Variants in TCTN1 observed in about 807,000 individuals in gnomAD.
TCTN1 encodes tectonic family member 1.
Under a neutral mutation model 65.8 loss-of-function variants are expected in TCTN1, and 58 were observed. The ratio of observed to expected loss-of-function variants is 0.88; its 90% CI spans 0.71 to 1.10. The LOEUF (loss-of-function observed/expected upper bound fraction) is 1.10. TCTN1 is among the 50% of genes least tolerant of loss of function. The pLI, the probability that TCTN1 is intolerant of heterozygous loss-of-function variation, is 0.00. For synonymous variants in TCTN1, 273 were observed against 289.1 expected (o/e 0.94, Z 0.57); for missense variants, 645 against 719.4 (o/e 0.90, Z 1.18).
intron 11 of TCTN1, 111 bp downstream of exon 11, chr12:110,642,500 A>G: frequency 4.2e-6 from 6 of 1,432,168 alleles, no homozygotes; most frequent in Non-Finnish European, 5.9e-6. Context: ...CTCACATGAA[A>G]GCCACATATA....
In TCTN1 at chr12:110,640,578, C is replaced by T. The variant is rs528885617; in HGVS notation, c.978+61C>T. 133 of 1,612,304 alleles carry T rather than the reference C, an allele frequency of 8.2e-5. No individual in the cohort carries two copies. The highest frequency in any genetic ancestry group is 6.7e-4 in the East Asian group (30 of 44,874). On this transcript the variant is annotated intron_variant, in intron 8 of 14. Transcript: ENST00000397659. The surrounding 1 kb of genome is among the most constrained non-coding windows in gnomAD (Gnocchi z 4.9). ...GGCAGACTTAAGCCTCTTGTTGCGC[C>T]GGGGTAACTGGACGCCCTCCGAGGA...
intron 14 of TCTN1, 144 bp from the exon 15 acceptor site, chr12:110,648,899 G>A (rs1228600737): frequency 1.3e-5 from 5 of 399,710 alleles, no homozygotes; most frequent in Non-Finnish European, 2.4e-5. Context: ...CTAGAAGCTG[G>A]CTGATGCAGC....
At position 110,649,122 on chromosome 12, in the gene TCTN1, A is replaced by C. The variant is rs969034689; in HGVS notation, c.*81A>C. The C allele has an allele frequency of 3.0e-6, 2 of 661,912 alleles. No individual in the cohort carries two copies. Among genetic ancestry groups the C allele is most frequent in the Non-Finnish European group, 5.5e-6 (2 of 361,072 alleles). The allele number at this position is 661,912 out of a possible 1,614,324, so 41.0% of individuals were successfully genotyped here. A position where few individuals can be genotyped will look rare whatever the true frequency, so the allele number is the denominator to read the frequency against. Reference sequence around the variant, plus strand: ...TTCGGTGAGATTAAATTTTATATACAACTAGCAATTGTCCAGCTTTGTTGC... The same window carrying C: ...TTCGGTGAGATTAAATTTTATATACCACTAGCAATTGTCCAGCTTTGTTGC... On this transcript the variant is annotated 3_prime_UTR_variant, in exon 15 of 15. Coordinates refer to ENST00000397659, the MANE Select transcript of TCTN1 (RefSeq NM_001082538.3).
chr12:110,632,485 T>A lies in TCTN1; in HGVS notation c.638T>A (p.Leu213Gln), dbSNP rs2066300090. The part of the protein sequence containing the change: ...TAAKYEYGVP[L>Q]QTSDSFLRFP... The stretch of plus-strand genomic sequence containing the variant: ...TTGTGTTTGCAGTATGGGGTTCCTC[T>A]GCAGACTTCAGATTCGTTTCTGAGA... The change falls in exon 5 of 15, where the codon CTG (leucine) becomes CAG (glutamine). Residue 213 changes from leucine (L) to glutamine (Q), a missense_variant. Leu to Gln is a moderately radical substitution (Grantham distance 113, BLOSUM62 -2). Coordinates refer to ENST00000397659, the MANE Select transcript of TCTN1 (RefSeq NM_001082538.3). 6.2e-7 allele frequency: 1 copy of A among 1,614,050 alleles called. No individual in the cohort carries two copies. The highest frequency in any genetic ancestry group is 1.1e-5 in the South Asian group (1 of 91,086).
chr12:110,637,504 T>C (rs557485571), intron 7 of TCTN1, among the ~76,000 whole-genome samples: 1 of 152,054 alleles, frequency 6.6e-6, no homozygotes, highest in African/African-American at 2.4e-5. Flanking sequence ...GGATGTTACT[T>C]GTGTTTTCAA....
At chr12:110,617,053 C>T (rs2065089941) in intron 1 of TCTN1, 1 of 152,170 alleles carries the variant, frequency 6.6e-6, no homozygotes, top group Non-Finnish European at 1.5e-5. Flanking sequence ...ATTGCTTCGT[C>T]CTTAGTAGTC....
In TCTN1 at chr12:110,614,373, C is replaced by T; in HGVS notation, c.191C>T (p.Ser64Phe). The T allele has an allele frequency of 6.2e-7, 1 of 1,604,748 alleles. No homozygotes were observed. The highest frequency in any genetic ancestry group is 8.5e-7 in the Non-Finnish European group (1 of 1,176,312). The change falls in exon 1 of 15, where the codon TCC (serine) becomes TTC (phenylalanine). Residue 64 changes from serine to phenylalanine, a missense_variant. Transcript: ENST00000397659. The stretch of plus-strand genomic sequence containing the variant: ...ACTCCCAGGGCTCCAGGGCCCTCCT[C>T]CGGCCCCAGGCCTACCCCAGTCACG... ...PGTPRAPGPS[S>F]GPRPTPVTDV...
At chr12:110,627,102 T>C (rs538718951) in intron 3 of TCTN1, among the ~76,000 whole-genome samples, 160 of 147,744 alleles carry the variant, frequency 1.1e-3, no homozygotes, top group Admixed American at 6.2e-3. Flanking sequence ...TTCTTTCTTT[T>C]TTTTTTTTTT....
At chr12:110,622,141 A>T (rs11065681) in intron 2 of TCTN1, among the ~76,000 whole-genome samples, 6,069 of 149,802 alleles carry the variant, frequency 0.041, 273 homozygotes, top group Admixed American at 0.096. Context: ...CCATAAAAAA[A>T]AATAATAATA....
chr12:110,632,381 G>A, intron 4 of TCTN1, 91 bp from the exon 5 acceptor site: 1 of 1,298,322 alleles, frequency 7.7e-7, no homozygotes, highest in Non-Finnish European at 1.1e-6. Flanking sequence ...TCTGATGCCT[G>A]CAGTGCTGCT....
chr12:110,615,583 G>A (rs1014020366), intron 1 of TCTN1, among the ~76,000 whole-genome samples: 4 of 151,922 alleles, frequency 2.6e-5, no homozygotes, highest in Non-Finnish European at 4.4e-5. Flanking sequence ...TGGGCTCAAG[G>A]GATCCTTCTG....
chr12:110,641,484 C>T, intron 9 of TCTN1, 58 bp from the exon 10 acceptor site: 1 of 1,498,736 alleles, frequency 6.7e-7, no homozygotes, highest in Non-Finnish European at 9.3e-7. Flanking sequence ...ATTTTTCTTC[C>T]TGCCATTTCC....
At position 110,644,784 on chromosome 12, in the gene TCTN1, T is replaced by C; in HGVS notation, c.1332-183T>C. 1.4e-6 allele frequency: 1 copy of C among 714,896 alleles called. No homozygotes were observed. Among genetic ancestry groups the C allele is most frequent in the Non-Finnish European group, 2.4e-6 (1 of 417,508 alleles). The allele number at this position is 714,896 out of a possible 1,614,324, so 44.3% of individuals were successfully genotyped here. A position where few individuals can be genotyped will look rare whatever the true frequency, so the allele number is the denominator to read the frequency against. Reference sequence around the variant, plus strand: ...GTCCCAGCACTCTGGGAGGATTGCATGAGCCCAGGAGTTTGAGGCTGCAGG... The same window carrying C: ...GTCCCAGCACTCTGGGAGGATTGCACGAGCCCAGGAGTTTGAGGCTGCAGG... On this transcript the variant is annotated intron_variant, in intron 11 of 14. Coordinates refer to ENST00000397659, the MANE Select transcript of TCTN1 (RefSeq NM_001082538.3). The surrounding 1 kb of genome is among the most constrained non-coding windows in gnomAD (Gnocchi z 4.6).
chr12:110,645,097 A>C lies in TCTN1; in HGVS notation c.1462A>C (p.Ile488Leu). The C allele has an allele frequency of 6.2e-7, 1 of 1,614,146 alleles. No individual in the cohort carries two copies. Among genetic ancestry groups the C allele is most frequent in the Non-Finnish European group, 8.5e-7 (1 of 1,180,026 alleles). The change falls in exon 12 of 15, where the codon ATC (isoleucine) becomes CTC (leucine). Residue 488 changes from isoleucine (I) to leucine (L), a missense_variant. Transcript: ENST00000397659. ...CCAGGACATGCTGGACTGGGTGCCC[A>C]TCCACTTCATCACCCAGTCATTCAA... ...QAQDMLDWVP[I>L]HFITQSFNRK...
In TCTN1 at chr12:110,639,176, T is replaced by C. The variant is rs75476472; in HGVS notation, c.844-1207T>C. Among the ~76,000 whole-genome samples, 1,363 of 152,352 alleles carry C rather than the reference T, an allele frequency of 8.9e-3. 24 individuals are homozygous for C. Among genetic ancestry groups the C allele is most frequent in the African/African-American group, 0.029 (1,217 of 41,578 alleles). ...AAGTTCAAAGTGGTATAAACAACTG[T>C]TAATAGATACATGAGGCTCCTTCCT... is the stretch of plus-strand genomic sequence containing the variant. On this transcript the variant is annotated intron_variant, in intron 7 of 14. Coordinates refer to ENST00000397659, the MANE Select transcript of TCTN1 (RefSeq NM_001082538.3). This position sits in a 1 kb window ranked among gnomAD's most constrained non-coding sequence, Gnocchi z 4.9.
At chr12:110,619,812 A>G in intron 1 of TCTN1, 24 bp from the exon 2 acceptor site, 1 of 1,613,852 alleles carries the variant, frequency 6.2e-7, no homozygotes, top group Non-Finnish European at 8.5e-7. Flanking sequence ...GATGTTCTGG[A>G]TCCTACCCCT....
At chr12:110,647,079 G>C in intron 12 of TCTN1, 117 bp from the exon 13 acceptor site, 5 of 1,226,870 alleles carry the variant, frequency 4.1e-6, no homozygotes, top group Non-Finnish European at 5.9e-6. Flanking sequence ...AACTTGTAGA[G>C]TCTATTCATT....
intron 4 of TCTN1, among the ~76,000 whole-genome samples, chr12:110,630,495 T>G (rs1019959540): frequency 3.3e-5 from 5 of 152,216 alleles, no homozygotes; most frequent in Non-Finnish European, 7.3e-5. Flanking sequence ...GGACACATAT[T>G]AACTGAATGA....
At chr12:110,614,604 C>G in intron 1 of TCTN1, 2 of 1,149,540 alleles carry the variant, frequency 1.7e-6, no homozygotes, top group South Asian at 1.3e-5. Flanking sequence ...AATGAGAAAA[C>G]CGGGTCTCAG....
Sources: allele counts gnomAD v4.1 joint callset (sites outside exome capture counted in the v4.1 genomes callset), GRCh38; gene constraint gnomAD v4.1.1; non-coding constraint Gnocchi (gnomAD v3.1); transcripts MANE v1.5; gene names NCBI Gene and HGNC (gene_info 2026-07-23, HGNC 2026-07-21).